CCT3: variants seen among roughly 807,000 people sequenced by gnomAD.
The protein encoded by CCT3 is chaperonin containing TCP1 subunit 3.
CCT3 carries 10 observed loss-of-function variants against 65.3 expected under a neutral mutation model. That is an observed-to-expected ratio of 0.15 (90% CI 0.09 to 0.26). The LOEUF is 0.26. Among genes scored for constraint, CCT3 ranks in the 10% least tolerant of loss-of-function variants. The probability of loss-of-function intolerance (pLI) is 1.00; values close to 1 mark genes in which losing one functional copy is unlikely to be tolerated. For synonymous variants in CCT3, 225 were observed against 242.3 expected, an observed-to-expected ratio of 0.93 and a Z score of 0.66; for missense variants, 626 against 708.7, an observed-to-expected ratio of 0.88 and a Z score of 1.33.
chr1:156,328,746 G>GAA (rs1019060584), intron 5 of CCT3, among the ~76,000 whole-genome samples: 1 of 151,958 alleles, frequency 6.6e-6, no homozygotes, highest in Non-Finnish European at 1.5e-5. Context: ...CTCTGCCCAG[G>GAA]AAAACCAGAG....
At chr1:156,328,197 G>GT (rs1558271638) in intron 5 of CCT3, among the ~76,000 whole-genome samples, 1 of 102,654 alleles carries the variant, frequency 9.7e-6, no homozygotes, top group Non-Finnish European at 2.3e-5. Context: ...CGGGAGGGAG[G>GT]TGGGGGGGGT....
intron 10 of CCT3, among the ~76,000 whole-genome samples, chr1:156,313,523 G>A (rs1303605135): frequency 6.6e-6 from 1 of 152,160 alleles, no homozygotes; most frequent in East Asian, 1.9e-4. Context: ...AAAGGAGTTA[G>A]CCTGTCCCTT....
At chr1:156,321,837 G>C (rs748722505) in intron 6 of CCT3, among the ~76,000 whole-genome samples, 1 of 151,992 alleles carries the variant, frequency 6.6e-6, no homozygotes, top group Non-Finnish European at 1.5e-5. Context: ...GTGAGATTCC[G>C]TCTCAAAAAA....
rs58622068 is a variant in CCT3, at chr1:156,318,224, A to AT, written c.759+643dup. Among the ~76,000 whole-genome samples the AT allele has an allele frequency of 5.0e-3, 658 of 130,542 alleles. 3 individuals carry two copies. Among genetic ancestry groups the AT allele is most frequent in the South Asian group, 8.9e-3 (36 of 4,046 alleles). The allele number at this position is 130,542 out of a possible 152,430, so 85.6% of individuals were successfully genotyped here. A position where few individuals can be genotyped will look rare whatever the true frequency, so the allele number is the denominator to read the frequency against. On this transcript the variant is annotated intron_variant, in intron 8 of 13. Coordinates refer to ENST00000295688, the MANE Select transcript of CCT3 (RefSeq NM_005998.5). ...CCTTGTGAGCCTCCTGCCCTCTAGA[A>AT]TTTTTTTTTTTTTTTTTTTGAGACA...
rs760908966 is a variant in CCT3 at position 156,326,649 on chromosome 1, CA to C, written c.305-1561del. On this transcript the variant is annotated intron_variant, in intron 5 of 13. Coordinates refer to ENST00000295688, the MANE Select transcript of CCT3 (RefSeq NM_005998.5). ...TAAGCCACAGAGTGAGACTCCATCTCAAAAAAAAAAAAAAAAAGAAAAAGAA... is the reference window on the plus strand; with the variant it reads ...TAAGCCACAGAGTGAGACTCCATCTCAAAAAAAAAAAAAAAAGAAAAAGAA... Among the ~76,000 whole-genome samples, 271 of 65,664 alleles carry C rather than the reference CA, an allele frequency of 4.1e-3. 1 individual carries two copies. The highest frequency in any genetic ancestry group is 0.015 in the Admixed American group (88 of 5,730). The allele number at this position is 65,664 out of a possible 152,430, so 43.1% of individuals were successfully genotyped here.
At chr1:156,333,668 T>C in intron 4 of CCT3, 25 bp from the exon 5 acceptor site, 1 of 1,564,170 alleles carries the variant, frequency 6.4e-7, no homozygotes, top group Non-Finnish European at 8.8e-7. Flanking sequence ...CACTAGTGAA[T>C]TCACACTATT....
In CCT3 at chr1:156,310,957, G is replaced by A. The variant is rs1664061828; in HGVS notation, c.1394C>T (p.Ser465Phe). 4 of 1,613,812 alleles carry A rather than the reference G, an allele frequency of 2.5e-6. No individual in the cohort carries two copies. The highest frequency in any genetic ancestry group is 3.4e-6 in the Non-Finnish European group (4 of 1,179,908). The part of the protein sequence containing the change: ...CGASTIRLLT[S>F]LRAKHTQENC... ...GCTTGGAGAGGAACTCACCCGAAGG[G>A]AGGTAAGTAGACGGATGGTGCTGGC... The change falls in exon 12 of 14, where the codon TCC (serine) becomes TTC (phenylalanine). Residue 465 changes from serine (S) to phenylalanine (F), a missense_variant. Coordinates refer to ENST00000295688, the MANE Select transcript of CCT3 (RefSeq NM_005998.5).
Position 156,315,528 on chromosome 1 carries a change from C to T in CCT3, c.974+1638G>A, listed in dbSNP as rs182545927. Among the ~76,000 whole-genome samples the T allele has an allele frequency of 1.4e-3, 210 of 152,274 alleles. 2 individuals carry two copies. Among genetic ancestry groups the T allele is most frequent in the African/African-American group, 4.8e-3 (198 of 41,558 alleles). On this transcript the variant is annotated intron_variant, in intron 10 of 13. Transcript: ENST00000295688. ...CCTGCCCTTATGATTTTCTTAATAA[C>T]ATTTTCTCTAGCTTACTTTATTTAA...
intron 8 of CCT3, among the ~76,000 whole-genome samples, chr1:156,317,784 C>T (rs1664370739): frequency 6.6e-6 from 1 of 151,704 alleles, no homozygotes. Context: ...TCTTGGCTCA[C>T]TGCAAGCTCT....
chr1:156,336,735 C>T (rs992966857), intron 1 of CCT3, among the ~76,000 whole-genome samples: 1 of 152,140 alleles, frequency 6.6e-6, no homozygotes, highest in Non-Finnish European at 1.5e-5. Context: ...TGTTTATTTC[C>T]TTCCTCTCTC....
intron 5 of CCT3, chr1:156,333,291 CAAAAAAAAAAA>C (rs35038881): frequency 4.5e-6 from 1 of 221,138 alleles, no homozygotes; most frequent in African/African-American, 3.9e-5. Context: ...GACTCTGTCT[CAAAAAAAAAAA>C]AAAAAAAGAA....
chr1:156,335,955 C>T, intron 1 of CCT3, 67 bp from the exon 2 acceptor site: 1 of 1,277,172 alleles, frequency 7.8e-7, no homozygotes, highest in Admixed American at 1.8e-5. Context: ...TATTTATTTC[C>T]CCGTCTTTGA....
intron 1 of CCT3, chr1:156,337,786 C>T (rs570763698): frequency 3.1e-4 from 92 of 296,964 alleles, no homozygotes; most frequent in African/African-American, 2.0e-3. Flanking sequence ...AAAGCTAGAC[C>T]TAACTGAAAA....
intron 7 of CCT3, among the ~76,000 whole-genome samples, chr1:156,319,745 A>G (rs1156392247): frequency 6.6e-6 from 1 of 152,090 alleles, no homozygotes; most frequent in Admixed American, 6.6e-5. Context: ...CTCTCCAATT[A>G]AAAAAATAAA....
intron 11 of CCT3, 117 bp from the exon 12 acceptor site, chr1:156,311,312 A>G (rs1664075821): frequency 6.1e-6 from 6 of 987,808 alleles, no homozygotes; most frequent in Non-Finnish European, 9.1e-6. Flanking sequence ...GCAACTAGAA[A>G]AGGTCCTTGG....
At chr1:156,331,044 C>T (rs564753053) in intron 5 of CCT3, among the ~76,000 whole-genome samples, 2 of 151,670 alleles carry the variant, frequency 1.3e-5, no homozygotes, top group Non-Finnish European at 2.9e-5. Flanking sequence ...CCAGCCTGGC[C>T]AATATGGTGA....
At chr1:156,337,142 C>G (rs1169627468) in intron 1 of CCT3, 1 of 1,241,432 alleles carries the variant, frequency 8.1e-7, no homozygotes, top group Non-Finnish European at 1.0e-6. Context: ...CGGTGGCTCA[C>G]GCCTGTAATC....
Position 156,320,950 on chromosome 1 carries a change from A to C in CCT3, c.498T>G (p.Ser166Arg), listed in dbSNP as rs1306404621. Residue 166 changes from serine (S) to arginine (R), a missense_variant, in exon 7 of 14, where the codon AGT (serine) becomes AGG (arginine). Physicochemically the swap from Ser to Arg is moderately radical, Grantham distance 110. Transcript: ENST00000295688. Reference sequence around the variant, plus strand: ...TGTTGCAAGCCAAAGATGACCACCGACTGATGGCTTTGGTAGTAATAGAGC... The same window carrying C: ...TGTTGCAAGCCAAAGATGACCACCGCCTGATGGCTTTGGTAGTAATAGAGC... ...INSSITTKAI[S>R]RWSSLACNIA... 6.2e-7 allele frequency: 1 copy of C among 1,614,030 alleles called. No individual in the cohort carries two copies. The highest frequency in any genetic ancestry group is 8.5e-7 in the Non-Finnish European group (1 of 1,179,910).
At chr1:156,327,387 C>T (rs1251843585) in intron 5 of CCT3, among the ~76,000 whole-genome samples, 1 of 152,162 alleles carries the variant, frequency 6.6e-6, no homozygotes, top group East Asian at 1.9e-4. Context: ...CTGCAACCTC[C>T]CTGCCTGATT....
Sources: gnomAD v4.1 joint callset for allele counts (sites outside exome capture counted in the v4.1 genomes callset) on GRCh38, gnomAD v4.1.1 for gene constraint, MANE v1.5 for transcripts, NCBI Gene and HGNC (gene_info 2026-07-23, HGNC 2026-07-21) for gene names.